The following ANKS1B variants were observed in gnomAD, a reference collection of about 807,000 sequenced individuals.
ANKS1B encodes the protein ankyrin repeat and sterile alpha motif domain-containing protein 1B.
ANKS1B carries 36 observed loss-of-function variants against 148.3 expected under a neutral mutation model. The observed-to-expected ratio is 0.24, with a 90% CI of 0.19 to 0.32. The LOEUF (loss-of-function observed/expected upper bound fraction) is 0.32, where lower values mean the gene tolerates loss of function less well. ANKS1B is among the 10% of genes least tolerant of loss of function. The probability of loss-of-function intolerance (pLI) is 1.00; values close to 1 mark genes in which losing one functional copy is unlikely to be tolerated. For synonymous variants in ANKS1B, 542 were observed against 560.8 expected, an observed-to-expected ratio of 0.97 and a Z score of 0.47; for missense variants, 1,157 against 1,542.6, an observed-to-expected ratio of 0.75 and a Z score of 4.19.
intron 16 of ANKS1B, among the ~76,000 whole-genome samples, chr12:99,078,095 A>G (rs1275072331): frequency 6.6e-6 from 1 of 152,172 alleles, no homozygotes; most frequent in Non-Finnish European, 1.5e-5. Flanking sequence ...TCTTTTCTTT[A>G]AAAGTGTTTG....
intron 8 of ANKS1B, among the ~76,000 whole-genome samples, chr12:99,680,964 A>T (rs907988239): frequency 6.6e-6 from 1 of 151,888 alleles, no homozygotes; most frequent in Admixed American, 6.6e-5. Flanking sequence ...GAGAACCACA[A>T]TCCCATCCCC....
At chr12:98,952,235 T>C (rs1488555908) in intron 17 of ANKS1B, among the ~76,000 whole-genome samples, 2 of 152,196 alleles carry the variant, frequency 1.3e-5, no homozygotes, top group Non-Finnish European at 2.9e-5. Flanking sequence ...CCCCGTCTTT[T>C]GGATGGTGAT....
chr12:99,802,927 A>AAT (rs943527837), intron 4 of ANKS1B, among the ~76,000 whole-genome samples: 1 of 144,222 alleles, frequency 6.9e-6, no homozygotes, highest in Non-Finnish European at 1.5e-5. Context: ...AAAAAAAAAA[A>AAT]GTAAAATAAA....
chr12:99,188,778 T>G (rs1566588693), intron 14 of ANKS1B, among the ~76,000 whole-genome samples: 1 of 151,864 alleles, frequency 6.6e-6, no homozygotes, highest in Non-Finnish European at 1.5e-5. Context: ...ACATCACAAT[T>G]AAAAGAACTA....
chr12:99,708,299 A>G (rs1555559551), intron 8 of ANKS1B, among the ~76,000 whole-genome samples: 1 of 152,152 alleles, frequency 6.6e-6, no homozygotes, highest in Admixed American at 6.6e-5. Context: ...CTAAACACAT[A>G]TCATTCTTAT....
At chr12:99,839,565 A>G (rs549562108) in intron 1 of ANKS1B, among the ~76,000 whole-genome samples, 160 of 152,310 alleles carry the variant, frequency 1.1e-3, no homozygotes, top group Non-Finnish European at 1.9e-3. Flanking sequence ...TTTTCTTTAT[A>G]GAACTCTTAA....
At chr12:98,876,444 A>T (rs1007999566) in intron 17 of ANKS1B, among the ~76,000 whole-genome samples, 5 of 152,196 alleles carry the variant, frequency 3.3e-5, no homozygotes, top group Non-Finnish European at 7.3e-5. Context: ...CTTGTAATCT[A>T]TCAATTAATG....
At chr12:99,076,579 C>T (rs905690703) in intron 16 of ANKS1B, among the ~76,000 whole-genome samples, 1 of 152,040 alleles carries the variant, frequency 6.6e-6, no homozygotes, top group East Asian at 1.9e-4. Flanking sequence ...GGGGCTGACT[C>T]CTTTTCTAAA....
chr12:99,825,447 CA>C, intron 1 of ANKS1B, 58 bp from the exon 2 acceptor site: 1 of 1,384,422 alleles, frequency 7.2e-7, no homozygotes. Flanking sequence ...CCTTGAAAAA[CA>C]AAAAGAAGGC....
chr12:98,825,921 T>A (rs2099245376), intron 19 of ANKS1B, among the ~76,000 whole-genome samples: 1 of 152,242 alleles, frequency 6.6e-6, no homozygotes. Context: ...GGACACCTTG[T>A]TTGTGCTAAA....
chr12:99,008,757 A>G (rs1444774957), intron 17 of ANKS1B, among the ~76,000 whole-genome samples: 1 of 152,236 alleles, frequency 6.6e-6, no homozygotes, highest in Admixed American at 6.5e-5. Context: ...AGCTAAGGGC[A>G]CTGTTCACAT....
chr12:99,837,633 G>A (rs2085062126), intron 1 of ANKS1B, among the ~76,000 whole-genome samples: 1 of 152,182 alleles, frequency 6.6e-6, no homozygotes, highest in African/African-American at 2.4e-5. Context: ...GAGCAGAAAA[G>A]TAATTTATCA....
intron 10 of ANKS1B, among the ~76,000 whole-genome samples, chr12:99,467,638 A>G (rs1051551657): frequency 6.6e-6 from 1 of 152,200 alleles, no homozygotes; most frequent in Non-Finnish European, 1.5e-5. Context: ...ATTCTTATAC[A>G]CCAATAACAG....
chr12:98,937,216 G>A (rs565902807), intron 17 of ANKS1B, among the ~76,000 whole-genome samples: 16 of 152,152 alleles, frequency 1.1e-4, no homozygotes, highest in East Asian at 7.7e-4. Context: ...TAAAATTTAC[G>A]TTTTTAGCAT....
chr12:99,084,261 C>A (rs2050838410), intron 16 of ANKS1B, among the ~76,000 whole-genome samples: 1 of 152,076 alleles, frequency 6.6e-6, no homozygotes, highest in Non-Finnish European at 1.5e-5. Flanking sequence ...TAAGCCAGGG[C>A]CATTCCTGCA....
chr12:98,908,959 G>T (rs1194056136), intron 17 of ANKS1B, among the ~76,000 whole-genome samples: 2 of 152,168 alleles, frequency 1.3e-5, no homozygotes, highest in Admixed American at 6.5e-5. Flanking sequence ...TAACGCTTTT[G>T]TGTGTGATTA....
chr12:99,257,167 C>G (rs1034214767), intron 12 of ANKS1B, among the ~76,000 whole-genome samples: 2 of 152,082 alleles, frequency 1.3e-5, no homozygotes, highest in African/African-American at 4.8e-5. Flanking sequence ...TGGCGTGAAC[C>G]CGGGAGGCGG....
In ANKS1B at chr12:99,053,454, T is replaced by A. The variant is rs1157481910; in HGVS notation, c.2626-145A>T. 4.8e-6 allele frequency: 3 copies of A among 619,572 alleles called. No individual in the cohort carries two copies. The Admixed American group carries it at 1.2e-4, about 25-fold the overall frequency. The allele number at this position is 619,572 out of a possible 1,614,324, so 38.4% of individuals were successfully genotyped here. On this transcript the variant is annotated intron_variant, in intron 16 of 26. Coordinates refer to ENST00000683438, the MANE Select transcript of ANKS1B (RefSeq NM_001352186.2). ...CAAGGAAAAAGAAAACACTTTCTGATGTGTTTTCACAATTCTAAAACATTA... is the reference window on the plus strand; with the variant it reads ...CAAGGAAAAAGAAAACACTTTCTGAAGTGTTTTCACAATTCTAAAACATTA...
chr12:99,241,859 T>C (rs1334371094), intron 14 of ANKS1B, among the ~76,000 whole-genome samples: 2 of 152,192 alleles, frequency 1.3e-5, no homozygotes, highest in Admixed American at 1.3e-4. Context: ...CCCTTCATGC[T>C]AAAAACTCTC....
Sources: allele counts gnomAD v4.1 joint callset (sites outside exome capture counted in the v4.1 genomes callset), GRCh38; gene constraint gnomAD v4.1.1; transcripts MANE v1.5; gene names NCBI Gene and HGNC (gene_info 2026-07-23, HGNC 2026-07-21).